The following ANO5 variants were observed in gnomAD, a reference collection of about 807,000 sequenced individuals.
ANO5 encodes the protein anoctamin 5.
A neutral mutation model predicts 121.0 loss-of-function variants in ANO5; 109 were observed. That is an observed-to-expected ratio of 0.90 (90% CI 0.77 to 1.06). The LOEUF (loss-of-function observed/expected upper bound fraction) is 1.06. ANO5 is among the 50% of genes least tolerant of loss of function. The pLI is 0.00. For missense variants in ANO5, 1,064 were observed against 1,078.5 expected (o/e 0.99, Z 0.19); for synonymous variants, 406 against 359.9 (o/e 1.13, Z -1.45).
At position 22,217,237 on chromosome 11, in the gene ANO5, C is replaced by T. The variant is rs192792701; in HGVS notation, c.139-1009C>T. Among the ~76,000 whole-genome samples the T allele has an allele frequency of 1.9e-3, 284 of 152,032 alleles. 3 individuals carry two copies. The highest frequency in any genetic ancestry group is 6.2e-3 in the African/African-American group (259 of 41,518). On this transcript the variant is annotated intron_variant, in intron 3 of 21. Transcript: ENST00000324559. Reference sequence around the variant, plus strand: ...TTGGATTATTTATCCATGCATTACACTATAAAATACACTCAATTCTTGCTC... The same window carrying T: ...TTGGATTATTTATCCATGCATTACATTATAAAATACACTCAATTCTTGCTC...
chr11:22,241,767 T>C (rs1435533424), intron 9 of ANO5, among the ~76,000 whole-genome samples: 1 of 152,132 alleles, frequency 6.6e-6, no homozygotes, highest in Admixed American at 6.6e-5. Context: ...CTTGTTTGAG[T>C]TCCTCATAGA....
Position 22,213,891 on chromosome 11 carries a change from T to TTTTTGTTTTGTTTTGTTTTG in ANO5, c.138+2588_138+2607dup, listed in dbSNP as rs59952448. On this transcript the variant is annotated intron_variant, in intron 3 of 21. Transcript: ENST00000324559. The stretch of plus-strand genomic sequence containing the variant: ...TTGGCTATTGGAAGTGGTGTTTTGT[T>TTTTTGTTTTGTTTTGTTTTG]TTTTGTTTTGTTTTGTTTTGTTTTG... 4.2e-4 allele frequency among the ~76,000 whole-genome samples: 62 copies of TTTTTGTTTTGTTTTGTTTTG among 148,488 alleles called. No homozygotes were observed. The East Asian group carries it at 7.8e-3, about 19-fold the overall frequency.
intron 7 of ANO5, among the ~76,000 whole-genome samples, chr11:22,234,603 C>T (rs1173512755): frequency 6.6e-6 from 1 of 152,112 alleles, no homozygotes; most frequent in Non-Finnish European, 1.5e-5. Flanking sequence ...GAAAACCACA[C>T]ATATCCATTT....
Position 22,280,501 on chromosome 11 carries a change from A to G in ANO5, c.*736A>G, listed in dbSNP as rs1429786667. On this transcript the variant is annotated 3_prime_UTR_variant, in exon 22 of 22. Coordinates refer to ENST00000324559, the MANE Select transcript of ANO5 (RefSeq NM_213599.3). ...GAAAGCAACATTATGAAGCTGTTAG[A>G]TTGCTTCAGGTTCTCAAGCAAAGAC... 1 of 151,904 alleles carries G rather than the reference A, an allele frequency of 6.6e-6. No homozygotes were observed. The highest frequency in any genetic ancestry group is 1.5e-5 in the Non-Finnish European group (1 of 67,864). 9.4% of individuals were successfully genotyped at this position (151,904 alleles called of 1,614,324 possible).
rs371362724 is a variant in ANO5 at position 22,257,661 on chromosome 11, G to A, written c.1333-19G>A. ...GAGGGGAGATTTTGAATTTCTTTGT[G>A]ATTTCTTCAATATTACAGGAGATGG... is the stretch of plus-strand genomic sequence containing the variant. On this transcript the variant is annotated intron_variant, in intron 13 of 21. Coordinates refer to ENST00000324559, the MANE Select transcript of ANO5 (RefSeq NM_213599.3). 10 of 1,588,310 alleles carry A rather than the reference G, an allele frequency of 6.3e-6. No individual in the cohort carries two copies. The highest frequency in any genetic ancestry group is 8.6e-6 in the Non-Finnish European group (10 of 1,157,220).
At chr11:22,277,562 T>C (rs1854911336) in intron 21 of ANO5, among the ~76,000 whole-genome samples, 1 of 151,586 alleles carries the variant, frequency 6.6e-6, no homozygotes, top group South Asian at 2.1e-4. Flanking sequence ...TTTATAAATA[T>C]TAGTCACATC....
Position 22,259,697 on chromosome 11 carries a change from T to C in ANO5, c.1586T>C (p.Leu529Ser), listed in dbSNP as rs746526529. 2 of 1,614,056 alleles carry C rather than the reference T, an allele frequency of 1.2e-6. No homozygotes were observed. The change falls in exon 15 of 22, where the codon TTG (leucine) becomes TCG (serine). Residue 529 changes from leucine (L) to serine (S), a missense_variant. Leu to Ser is a moderately radical substitution (Grantham distance 145, BLOSUM62 -2). Transcript: ENST00000324559. ...TTGAACTTTATTGTCATCTTGATCT[T>C]GAATTTCTTTTATGAAAAGATATCT... ...SCLNFIVILI[L>S]NFFYEKISAW...
chr11:22,276,153 T>G lies in ANO5; in HGVS notation c.2474T>G (p.Phe825Cys), dbSNP rs202149380. ...DENKYFHNMQ[F>C]WHVLAAKMTF... Reference sequence around the variant, plus strand: ...AATAAATATTTTCATAATATGCAATTCTGGCATGTCCTTGCTGCCAAGATG... The same window carrying G: ...AATAAATATTTTCATAATATGCAATGCTGGCATGTCCTTGCTGCCAAGATG... The change falls in exon 21 of 22, where the codon TTC becomes TGC. Residue 825 changes from phenylalanine (F) to cysteine (C), a missense_variant. Phe to Cys is a radical substitution (Grantham distance 205, BLOSUM62 -2). Transcript: ENST00000324559. 6.2e-7 allele frequency: 1 copy of G among 1,611,750 alleles called. No individual in the cohort carries two copies. Among genetic ancestry groups the G allele is most frequent in the East Asian group, 2.2e-5 (1 of 44,748 alleles).
chr11:22,230,992 A>G (rs1047687612), intron 7 of ANO5, among the ~76,000 whole-genome samples: 2 of 151,920 alleles, frequency 1.3e-5, no homozygotes, highest in African/African-American at 4.8e-5. Context: ...GCTACTCTCT[A>G]ATATAGACAT....
intron 9 of ANO5, among the ~76,000 whole-genome samples, chr11:22,243,742 C>T (rs115215514): frequency 0.011 from 1,648 of 152,210 alleles, 41 homozygotes; most frequent in African/African-American, 0.038. Flanking sequence ...TTTTTGATTT[C>T]TGTAGGATTA....
chr11:22,254,157 G>A (rs919096749), intron 12 of ANO5, among the ~76,000 whole-genome samples: 6 of 152,096 alleles, frequency 3.9e-5, no homozygotes, highest in Non-Finnish European at 7.4e-5. Flanking sequence ...ACAGTCAGAT[G>A]ATAGGTATAT....
At chr11:22,211,404 A>C in intron 3 of ANO5, 90 bp downstream of exon 3, 5 of 1,409,068 alleles carry the variant, frequency 3.5e-6, no homozygotes, top group Non-Finnish European at 5.0e-6. Flanking sequence ...TTTCCAGTTC[A>C]GTTATTTGAC....
intron 9 of ANO5, among the ~76,000 whole-genome samples, chr11:22,247,592 C>T (rs757352042): frequency 1.3e-5 from 2 of 152,068 alleles, no homozygotes; most frequent in Non-Finnish European, 2.9e-5. Flanking sequence ...ATAAGGAAGA[C>T]AGAATGATAG....
rs2133815224 is a variant in ANO5, at chr11:22,280,784, A to G, written c.*1019A>G. 1 of 152,116 alleles carries G rather than the reference A, an allele frequency of 6.6e-6. No homozygotes were observed. The highest frequency in any genetic ancestry group is 1.5e-5 in the Non-Finnish European group (1 of 67,864). The allele number at this position is 152,116 out of a possible 1,614,324, so 9.4% of individuals were successfully genotyped here. On this transcript the variant is annotated 3_prime_UTR_variant, in exon 22 of 22. Coordinates refer to ENST00000324559, the MANE Select transcript of ANO5 (RefSeq NM_213599.3). ...ACCTTTTCTATTGATGTATCATCTT[A>G]TACAATGCTCAGTGCCTTGTTCCAA...
intron 17 of ANO5, 94 bp from the exon 18 acceptor site, chr11:22,270,218 T>C: frequency 6.8e-7 from 1 of 1,481,172 alleles, no homozygotes; most frequent in African/African-American, 1.4e-5. Flanking sequence ...ATTTAATCTC[T>C]AATTTCTGCC....
At chr11:22,260,650 T>C (rs556712494) in intron 15 of ANO5, among the ~76,000 whole-genome samples, 4 of 152,184 alleles carry the variant, frequency 2.6e-5, no homozygotes, top group African/African-American at 9.7e-5. Context: ...AAAAATCAAG[T>C]TCACATTACA....
intron 9 of ANO5, among the ~76,000 whole-genome samples, chr11:22,242,859 T>C (rs1023107325): frequency 1.3e-5 from 2 of 152,190 alleles, no homozygotes; most frequent in South Asian, 2.1e-4. Flanking sequence ...GAGATAGCTT[T>C]ACTTCTTCTT....
intron 5 of ANO5, among the ~76,000 whole-genome samples, chr11:22,222,769 C>A (rs1852696393): frequency 6.6e-6 from 1 of 151,996 alleles, no homozygotes; most frequent in African/African-American, 2.4e-5. Flanking sequence ...GGAAAACTTA[C>A]AATTTACTGA....
chr11:22,275,141 G>A (rs1854789465), intron 20 of ANO5, among the ~76,000 whole-genome samples: 1 of 151,744 alleles, frequency 6.6e-6, no homozygotes, highest in Non-Finnish European at 1.5e-5. Flanking sequence ...ATTTATCTTT[G>A]TCCTCAGAAA....
Sources: gnomAD v4.1 joint callset for allele counts (sites outside exome capture counted in the v4.1 genomes callset) on GRCh38, gnomAD v4.1.1 for gene constraint, MANE v1.5 for transcripts, NCBI Gene and HGNC (gene_info 2026-07-23, HGNC 2026-07-21) for gene names.